FAM110A: variants seen among roughly 807,000 people sequenced by gnomAD.
FAM110A encodes family with sequence similarity 110 member A, also known as protein FAM110A.
FAM110A carries 1 observed loss-of-function variant against 4.0 expected under a neutral mutation model. The observed-to-expected ratio is 0.25, with a 90% CI of 0.09 to 1.20. The LOEUF is 1.20. Ranked by LOEUF, FAM110A falls within the 50% of genes most tolerant of loss-of-function variation. The probability of loss-of-function intolerance (pLI) is 0.50; values close to 1 mark genes in which losing one functional copy is unlikely to be tolerated. For synonymous variants in FAM110A, 217 were observed against 196.8 expected, an observed-to-expected ratio of 1.10 and a Z score of -0.86; for missense variants, 436 against 429.2, an observed-to-expected ratio of 1.02 and a Z score of -0.14.
intron 1 of FAM110A, among the ~76,000 whole-genome samples, chr20:839,087 G>T (rs1158538440): frequency 6.6e-6 from 1 of 152,142 alleles, no homozygotes; most frequent in Non-Finnish European, 1.5e-5. Flanking sequence ...AGCCGACGAG[G>T]CAGTAGATTC....
intron 1 of FAM110A, among the ~76,000 whole-genome samples, chr20:842,069 T>G (rs934835478): frequency 6.6e-6 from 1 of 152,256 alleles, no homozygotes; most frequent in African/African-American, 2.4e-5. Flanking sequence ...CTCGACCTGT[T>G]TGATCTCTCC....
intron 1 of FAM110A, among the ~76,000 whole-genome samples, chr20:835,246 G>GTA (rs1248668585): frequency 7.0e-6 from 1 of 143,332 alleles, no homozygotes; most frequent in Non-Finnish European, 1.5e-5. Flanking sequence ...ACACATATAT[G>GTA]TATATATATG....
intron 1 of FAM110A, among the ~76,000 whole-genome samples, chr20:842,859 G>C (rs1330497986): frequency 6.6e-6 from 1 of 151,998 alleles, no homozygotes; most frequent in Non-Finnish European, 1.5e-5. Flanking sequence ...GTTCATCCCT[G>C]ATCACCCAGT....
chr20:834,392 G>A lies in FAM110A; in HGVS notation c.-98+441G>A, dbSNP rs2085096267. Among the ~76,000 whole-genome samples, 1 of 152,238 alleles carries A rather than the reference G, an allele frequency of 6.6e-6. No individual in the cohort carries two copies. The highest frequency in any genetic ancestry group is 2.4e-5 in the African/African-American group (1 of 41,464). ...CGGGGACAGAGGACCACTCTTTGGGGATCGGACGGGACTGACATTTCTGGG... is the reference window on the plus strand; with the variant it reads ...CGGGGACAGAGGACCACTCTTTGGGAATCGGACGGGACTGACATTTCTGGG... On this transcript the variant is annotated intron_variant, in intron 1 of 1. Transcript: ENST00000381941. The surrounding 1 kb of genome is among the most constrained non-coding windows in gnomAD (Gnocchi z 5.6).
intron 1 of FAM110A, among the ~76,000 whole-genome samples, chr20:843,379 A>G (rs1462460963): frequency 1.3e-5 from 2 of 152,172 alleles, no homozygotes; most frequent in Non-Finnish European, 2.9e-5. Flanking sequence ...CATGGATGGA[A>G]ATGCTGTACT....
chr20:839,968 G>C (rs1435577334), intron 1 of FAM110A: 1 of 1,447,796 alleles, frequency 6.9e-7, no homozygotes, highest in East Asian at 2.3e-5. Context: ...TTCTTCTTAG[G>C]CATCAGCATC....
At chr20:836,214 C>A (rs1434135967) in intron 1 of FAM110A, 1 of 136,102 alleles carries the variant, frequency 7.3e-6, no homozygotes, top group Non-Finnish European at 1.5e-5. Flanking sequence ...GAGTTTGAAC[C>A]CAGAGAGTCT....
chr20:844,548 G>T (rs1488458966), intron 1 of FAM110A, among the ~76,000 whole-genome samples, 160 bp from the exon 2 acceptor site: 1 of 152,130 alleles, frequency 6.6e-6, no homozygotes, highest in African/African-American at 2.4e-5. Flanking sequence ...GGGGCCTGAG[G>T]CCCCGCAGCT....
At chr20:836,308 T>C (rs1022405652) in intron 1 of FAM110A, among the ~76,000 whole-genome samples, 3 of 152,084 alleles carry the variant, frequency 2.0e-5, no homozygotes, top group Non-Finnish European at 4.4e-5. Flanking sequence ...AAATTTACCA[T>C]TGTAACCACT....
intron 1 of FAM110A, among the ~76,000 whole-genome samples, chr20:843,005 G>A (rs8121246): frequency 6.6e-6 from 1 of 151,828 alleles, no homozygotes; most frequent in Non-Finnish European, 1.5e-5. Context: ...ACACACACAC[G>A]CCTGCCCTCA....
intron 1 of FAM110A, among the ~76,000 whole-genome samples, chr20:835,246 G>GTATATATATATATATATA (rs1248668585): frequency 7.0e-6 from 1 of 143,332 alleles, no homozygotes; most frequent in South Asian, 2.2e-4. Context: ...ACACATATAT[G>GTATATATATATATATATA]TATATATATG....
intron 1 of FAM110A, 35 bp from the exon 2 acceptor site, chr20:844,673 G>C (rs1980154995): frequency 8.1e-7 from 1 of 1,239,978 alleles, no homozygotes; most frequent in African/African-American, 1.6e-5. Context: ...GAGCGCGCTC[G>C]GCTTTTTTTT....
chr20:844,937 C>T lies in FAM110A; in HGVS notation c.133C>T (p.Arg45Cys). ...AGCCCGGAAACCGAGCGCTGTGGAG[C>T]GCCTGGAGGCCGACAAGGCCAAGTA... is the stretch of plus-strand genomic sequence containing the variant. ...GGARKPSAVE[R>C]LEADKAKYVK... Residue 45 changes from arginine to cysteine, a missense_variant, in exon 2 of 2, where the codon CGC becomes TGC. Transcript: ENST00000381941. 1.3e-6 allele frequency: 2 copies of T among 1,584,280 alleles called. No individual in the cohort carries two copies. The highest frequency in any genetic ancestry group is 4.7e-5 in the East Asian group (2 of 42,816).
chr20:837,610 G>C (rs979653765), intron 1 of FAM110A, among the ~76,000 whole-genome samples: 2 of 152,194 alleles, frequency 1.3e-5, no homozygotes, highest in Admixed American at 6.5e-5. Flanking sequence ...TTTTATCCAA[G>C]GTCTCATAGC....
chr20:837,797 C>T (rs1417512598), intron 1 of FAM110A, among the ~76,000 whole-genome samples: 1 of 151,982 alleles, frequency 6.6e-6, no homozygotes, highest in African/African-American at 2.4e-5. Flanking sequence ...TGGTCAGAGC[C>T]CAGCTTGAAT....
At position 846,197 on chromosome 20, in the gene FAM110A, C is replaced by T. The variant is rs1191350343; in HGVS notation, c.*505C>T. The T allele has an allele frequency of 5.6e-6, 1 of 179,192 alleles. No homozygotes were observed. The highest frequency in any genetic ancestry group is 2.4e-5 in the African/African-American group (1 of 41,522). The allele number at this position is 179,192 out of a possible 1,614,324, so 11.1% of individuals were successfully genotyped here. On this transcript the variant is annotated 3_prime_UTR_variant, in exon 2 of 2. Transcript: ENST00000381941. ...TTGGCAGCTGGCCTAGGTGGGCAGA[C>T]TATAGGAGGGACTGGTTAGGAGTCT...
Position 845,818 on chromosome 20 carries a change from G to A in FAM110A, c.*126G>A. ...TCCACCCTGTTGTGAACTTGGTATG[G>A]AGGCAAAGGCTTAGAGGCTGGACCA... is the stretch of plus-strand genomic sequence containing the variant. On this transcript the variant is annotated 3_prime_UTR_variant, in exon 2 of 2. Coordinates refer to ENST00000381941, the MANE Select transcript of FAM110A (RefSeq NM_001042353.3). 6.7e-7 allele frequency: 1 copy of A among 1,483,910 alleles called. No homozygotes were observed. The highest frequency in any genetic ancestry group is 9.0e-7 in the Non-Finnish European group (1 of 1,115,496). The allele number at this position is 1,483,910 out of a possible 1,614,324, so 91.9% of individuals were successfully genotyped here.
At chr20:841,811 C>T (rs774152479) in intron 1 of FAM110A, among the ~76,000 whole-genome samples, 6 of 152,192 alleles carry the variant, frequency 3.9e-5, no homozygotes, top group Non-Finnish European at 8.8e-5. Flanking sequence ...GGGACCCTGG[C>T]TTCACCTGGC....
intron 1 of FAM110A, among the ~76,000 whole-genome samples, chr20:844,320 A>G (rs1600015547): frequency 1.3e-5 from 2 of 152,208 alleles, no homozygotes; most frequent in East Asian, 1.9e-4. Flanking sequence ...CAGTTTCTCC[A>G]TCCAAAAAAC....
Sources: gnomAD v4.1 joint callset for allele counts (sites outside exome capture counted in the v4.1 genomes callset) on GRCh38, gnomAD v4.1.1 for gene constraint, Gnocchi (gnomAD v3.1) non-coding constraint, MANE v1.5 for transcripts, NCBI Gene and HGNC (gene_info 2026-07-23, HGNC 2026-07-21) for gene names.